The following ABCA13 variants were observed in gnomAD, a reference collection of about 807,000 sequenced individuals.
The protein encoded by ABCA13 is ATP-binding cassette sub-family A member 13.
Under a neutral mutation model 478.7 loss-of-function variants are expected in ABCA13, and 476 were observed. The ratio of observed to expected loss-of-function variants is 0.99; its 90% CI spans 0.92 to 1.07. ABCA13 has a LOEUF of 1.07. ABCA13 is among the 50% of genes least tolerant of loss of function. ABCA13 has a pLI of 0.00. For missense variants in ABCA13, 6,060 were observed against 5,910.6 expected (o/e 1.03, Z -0.83); for synonymous variants, 2,252 against 2,158.9 (o/e 1.04, Z -1.20).
At chr7:48,463,307 A>G (rs1037742263) in intron 43 of ABCA13, among the ~76,000 whole-genome samples, 1 of 152,190 alleles carries the variant, frequency 6.6e-6, no homozygotes, top group Admixed American at 6.5e-5. Context: ...ATCAAAGCAC[A>G]TTCTGCCTCT....
At position 48,268,966 on chromosome 7, in the gene ABCA13, G is replaced by A. The variant is rs776055114; in HGVS notation, c.2006-14G>A. The A allele has an allele frequency of 7.5e-7, 1 of 1,340,882 alleles. No homozygotes were observed. The highest frequency in any genetic ancestry group is 1.2e-5 in the South Asian group (1 of 80,664). The allele number at this position is 1,340,882 out of a possible 1,614,324, so 83.1% of individuals were successfully genotyped here. A position where few individuals can be genotyped will look rare whatever the true frequency, so the allele number is the denominator to read the frequency against. On this transcript the variant is annotated splice_polypyrimidine_tract_variant and intron_variant, in intron 15 of 61. Transcript: ENST00000435803. Reference sequence around the variant, plus strand: ...CCAGTTTATAATTAATGTAGAAAATGTCTTTTTATTTAGCTTTTCCTGAGG... The same window carrying A: ...CCAGTTTATAATTAATGTAGAAAATATCTTTTTATTTAGCTTTTCCTGAGG...
intron 47 of ABCA13, among the ~76,000 whole-genome samples, chr7:48,488,500 C>T (rs748648816): frequency 8.5e-5 from 13 of 152,210 alleles, no homozygotes; most frequent in South Asian, 2.1e-4. Flanking sequence ...TTCTACCAAG[C>T]GGATTATCTG....
At chr7:48,485,877 C>T (rs1404707391) in intron 47 of ABCA13, among the ~76,000 whole-genome samples, 1 of 152,160 alleles carries the variant, frequency 6.6e-6, no homozygotes, top group African/African-American at 2.4e-5. Flanking sequence ...TCTGCAATGA[C>T]CCTTAACTCT....
intron 59 of ABCA13, among the ~76,000 whole-genome samples, chr7:48,620,088 A>G (rs1456961656): frequency 6.6e-6 from 1 of 152,204 alleles, no homozygotes; most frequent in Non-Finnish European, 1.5e-5. Flanking sequence ...GTAGATTAGC[A>G]TCCATGATGC....
chr7:48,577,314 A>T (rs564689079), intron 55 of ABCA13, among the ~76,000 whole-genome samples: 1 of 152,260 alleles, frequency 6.6e-6, no homozygotes, highest in South Asian at 2.1e-4. Context: ...GAATTAAAAG[A>T]TGAAATAAAT....
intron 6 of ABCA13, 54 bp from the exon 7 acceptor site, chr7:48,229,771 A>G: frequency 6.2e-7 from 1 of 1,604,324 alleles, no homozygotes; most frequent in South Asian, 1.1e-5. Flanking sequence ...AATTGATGCT[A>G]CTTGTTTTGC....
chr7:48,516,796 A>G lies in ABCA13; in HGVS notation c.13712A>G (p.Tyr4571Cys), dbSNP rs373654084. The change falls in exon 52 of 62, where the codon TAT becomes TGT. Residue 4571 changes from tyrosine to cysteine, a missense_variant. Transcript: ENST00000435803. ...FSSSDVAFIS[Y>C]VSLNFIFGLC... is the part of the protein sequence containing the mutation. ...AGTTCGGACGTGGCTTTCATTTCCTATGTCTCACTAAACTTCATCTTTGGC... is the reference window on the plus strand; with the variant it reads ...AGTTCGGACGTGGCTTTCATTTCCTGTGTCTCACTAAACTTCATCTTTGGC... 15 of 1,613,792 alleles carry G rather than the reference A, an allele frequency of 9.3e-6. No individual in the cohort carries two copies. Among genetic ancestry groups the G allele is most frequent in the Non-Finnish European group, 1.2e-5 (14 of 1,179,758 alleles).
At chr7:48,494,178 G>T (rs148105032) in intron 48 of ABCA13, among the ~76,000 whole-genome samples, 10 of 152,308 alleles carry the variant, frequency 6.6e-5, no homozygotes, top group African/African-American at 2.4e-4. Flanking sequence ...GGTGCATGTT[G>T]CATGCTAGGA....
chr7:48,376,977 G>A (rs1294468859), intron 35 of ABCA13, among the ~76,000 whole-genome samples: 2 of 152,114 alleles, frequency 1.3e-5, no homozygotes, highest in Non-Finnish European at 2.9e-5. Flanking sequence ...GGGACCAAGC[G>A]CTCAGCCAGT....
In ABCA13 at chr7:48,198,300, G is replaced by T. The variant is rs1397379611; in HGVS notation, c.227G>T (p.Cys76Phe). 6.2e-7 allele frequency: 1 copy of T among 1,613,554 alleles called. No individual in the cohort carries two copies. Among genetic ancestry groups the T allele is most frequent in the Non-Finnish European group, 8.5e-7 (1 of 1,179,776 alleles). ...GVIPFVQSLL[C>F]NTGSRCRNFS... ...ATCCCCTTTGTTCAAAGCCTTCTTT[G>T]TAACACTGGATCAAGGTGTAGGAAC... The change falls in exon 3 of 62, where the codon TGT (cysteine) becomes TTT (phenylalanine). Residue 76 changes from cysteine (C) to phenylalanine (F), a missense_variant. Cys to Phe is a radical substitution (Grantham distance 205). Around this residue, in one of 3 missense-constraint regions of ABCA13, gnomAD observed 4,423 missense variants for 4,309.1 expected, o/e 1.03. Coordinates refer to ENST00000435803, the MANE Select transcript of ABCA13 (RefSeq NM_152701.5).
intron 46 of ABCA13, 48 bp downstream of exon 46, chr7:48,481,202 G>GA (rs139307256): frequency 0.049 from 68,622 of 1,392,822 alleles, 1,996 homozygotes; most frequent in Non-Finnish European, 0.056. Context: ...GATTACTATG[G>GA]AAAACTTATT....
chr7:48,430,750 T>C (rs1447439294), intron 42 of ABCA13, among the ~76,000 whole-genome samples: 1 of 152,124 alleles, frequency 6.6e-6, no homozygotes, highest in African/African-American at 2.4e-5. Context: ...TTCTCCGTTT[T>C]CTTGGTTAAT....
intron 27 of ABCA13, among the ~76,000 whole-genome samples, chr7:48,326,909 C>T (rs548115261): frequency 2.0e-5 from 3 of 152,156 alleles, no homozygotes; most frequent in African/African-American, 7.2e-5. Flanking sequence ...GAGATCAGCT[C>T]TCAGTCTCAT....
At chr7:48,601,444 A>G (rs932566651) in intron 58 of ABCA13, among the ~76,000 whole-genome samples, 5 of 151,462 alleles carry the variant, frequency 3.3e-5, no homozygotes, top group South Asian at 2.1e-4. Context: ...TCATTGTTCA[A>G]CTCCCACTTA....
Position 48,227,272 on chromosome 7 carries a change from A to G in ABCA13, c.479A>G (p.Asn160Ser), listed in dbSNP as rs200287381. ...YGSSFFTMDL[N>S]KTEEVILKLE... ...TTTTTTTCCCATCAGATGGATCTCA[A>G]TAAGACCGAGGAGGTAATATTGAAA... Residue 160 changes from asparagine to serine, a missense_variant, in exon 6 of 62, where the codon AAT becomes AGT. By Grantham distance (46) the Asn-to-Ser change is conservative. Coordinates refer to ENST00000435803, the MANE Select transcript of ABCA13 (RefSeq NM_152701.5). The G allele has an allele frequency of 1.7e-4, 267 of 1,613,334 alleles. 1 individual carries two copies. The African/African-American group carries it at 2.9e-3, about 17-fold the overall frequency.
At chr7:48,487,319 C>A (rs78297519) in intron 47 of ABCA13, among the ~76,000 whole-genome samples, 25,681 of 105,140 alleles carry the variant, frequency 0.24, 3,058 homozygotes, top group African/African-American at 0.47. Flanking sequence ...AAAAAAAAAA[C>A]AAAACAAAAC....
In ABCA13 at chr7:48,412,236, T is replaced by G. The variant is rs1013044377; in HGVS notation, c.12229-117T>G. The G allele has an allele frequency of 6.7e-6, 5 of 742,800 alleles. 1 individual carries two copies. The highest frequency in any genetic ancestry group is 4.0e-5 in the South Asian group (2 of 49,510). 46.0% of individuals were successfully genotyped at this position (742,800 alleles called of 1,614,324 possible). The stretch of plus-strand genomic sequence containing the variant: ...CTATTGCTTAAGTGTGATATTTCAT[T>G]TAAGCTTTGAAATGGAGTTTTGAAA... On this transcript the variant is annotated intron_variant, in intron 40 of 61. Transcript: ENST00000435803.
At chr7:48,568,395 T>C (rs1787289700) in intron 55 of ABCA13, among the ~76,000 whole-genome samples, 1 of 152,102 alleles carries the variant, frequency 6.6e-6, no homozygotes, top group Non-Finnish European at 1.5e-5. Context: ...ATTAACATGG[T>C]ATAGATGATT....
chr7:48,483,632 A>G (rs1829002329), intron 47 of ABCA13, among the ~76,000 whole-genome samples: 1 of 152,230 alleles, frequency 6.6e-6, no homozygotes, highest in South Asian at 2.1e-4. Context: ...CCTGTGAATT[A>G]GGAATGGTCC....
Sources: allele counts gnomAD v4.1 joint callset (sites outside exome capture counted in the v4.1 genomes callset), GRCh38; gene constraint gnomAD v4.1.1; regional missense constraint gnomAD v4.1.1; transcripts MANE v1.5; gene names NCBI Gene and HGNC (gene_info 2026-07-23, HGNC 2026-07-21).